Variants in NR3C1 observed in about 807,000 individuals in gnomAD.
NR3C1 encodes glucocorticoid receptor.
NR3C1 carries 14 observed loss-of-function variants against 74.0 expected under a neutral mutation model. The ratio of observed to expected loss-of-function variants is 0.19; its 90% CI spans 0.12 to 0.30. The LOEUF (loss-of-function observed/expected upper bound fraction) is 0.30, where lower values mean the gene tolerates loss of function less well. NR3C1 is among the 10% of genes least tolerant of loss of function. NR3C1 has a pLI of 1.00. For missense variants in NR3C1, 695 were observed against 909.8 expected (o/e 0.76, Z 3.04); for synonymous variants, 308 against 332.5 (o/e 0.93, Z 0.80).
chr5:143,416,988 T>C (rs569239835), intron 1 of NR3C1, among the ~76,000 whole-genome samples: 7 of 152,280 alleles, frequency 4.6e-5, no homozygotes, highest in African/African-American at 1.7e-4. Flanking sequence ...TATTTTAGGC[T>C]GTGTTTAAAA....
In NR3C1 at chr5:143,284,003, T is replaced by A. The variant is rs182520322; in HGVS notation, c.2024-1278A>T. ...AATGCATTATTTCCCAAACTGAAAC[T>A]TCACTGCTGCTGACATTTTTAGAAG... is the stretch of plus-strand genomic sequence containing the variant. On this transcript the variant is annotated intron_variant, in intron 7 of 8. Coordinates refer to ENST00000394464, the MANE Select transcript of NR3C1 (RefSeq NM_000176.3). Among the ~76,000 whole-genome samples the A allele has an allele frequency of 7.9e-5, 12 of 152,318 alleles. No individual in the cohort carries two copies. In the East Asian group the frequency reaches 2.3e-3, roughly 29 times the overall value.
chr5:143,404,657 C>G, upstream of NR3C1: 1 of 344,160 alleles, frequency 2.9e-6, no homozygotes, highest in Non-Finnish European at 4.1e-6. Flanking sequence ...AAACCTCCAG[C>G]GAGCTGGATT....
chr5:143,323,893 A>C (rs887363792), intron 2 of NR3C1, among the ~76,000 whole-genome samples: 3 of 152,192 alleles, frequency 2.0e-5, no homozygotes, highest in Non-Finnish European at 4.4e-5. Context: ...CCAGTGAGTT[A>C]GTCAAATTTT....
At chr5:143,328,477 C>T (rs924416945) in intron 2 of NR3C1, among the ~76,000 whole-genome samples, 1 of 152,198 alleles carries the variant, frequency 6.6e-6, no homozygotes, top group Non-Finnish European at 1.5e-5. Flanking sequence ...CTCCTTGTTA[C>T]TTATTCAGAT....
intron 2 of NR3C1, among the ~76,000 whole-genome samples, chr5:143,398,356 G>GTGATT (rs556234844): frequency 1.2e-5 from 1 of 85,342 alleles, no homozygotes; most frequent in Non-Finnish European, 2.8e-5. Flanking sequence ...AGGTTTTTTG[G>GTGATT]TTTTTTTTTT....
intron 6 of NR3C1, among the ~76,000 whole-genome samples, chr5:143,297,945 C>A (rs1817666219): frequency 6.6e-6 from 1 of 152,096 alleles, no homozygotes; most frequent in African/African-American, 2.4e-5. Flanking sequence ...TGGGAAGATA[C>A]TGAAGACAAT....
chr5:143,296,447 T>C (rs1040871938), intron 6 of NR3C1, among the ~76,000 whole-genome samples: 3 of 152,192 alleles, frequency 2.0e-5, no homozygotes, highest in African/African-American at 7.2e-5. Context: ...AATCTGCTCT[T>C]ACCGAAGAGG....
intron 4 of NR3C1, among the ~76,000 whole-genome samples, chr5:143,309,466 G>A (rs1189612882): frequency 6.6e-6 from 1 of 152,192 alleles, no homozygotes; most frequent in African/African-American, 2.4e-5. Flanking sequence ...TGGATATTTG[G>A]AGCGCTTTGA....
chr5:143,382,638 A>C (rs1276604758), intron 2 of NR3C1, among the ~76,000 whole-genome samples: 3 of 152,248 alleles, frequency 2.0e-5, no homozygotes, highest in African/African-American at 7.2e-5. Context: ...GTTGTTAGTC[A>C]GATTCATACC....
At chr5:143,321,444 A>G (rs1234309925) in intron 2 of NR3C1, among the ~76,000 whole-genome samples, 1 of 152,102 alleles carries the variant, frequency 6.6e-6, no homozygotes, top group Admixed American at 6.5e-5. Context: ...TGCCATTCTA[A>G]TGCATGCCTT....
chr5:143,336,378 A>G (rs2151724745), intron 2 of NR3C1, among the ~76,000 whole-genome samples: 1 of 152,328 alleles, frequency 6.6e-6, no homozygotes. Context: ...CTCTAAGAAT[A>G]AAGAGAAGAG....
At chr5:143,420,870 A>G (rs1291790866) in intron 1 of NR3C1, among the ~76,000 whole-genome samples, 2 of 152,156 alleles carry the variant, frequency 1.3e-5, no homozygotes, top group Non-Finnish European at 1.5e-5. Flanking sequence ...TATCCTTTGG[A>G]TATTTTACAC....
At position 143,424,294 on chromosome 5, in the gene NR3C1, G is replaced by C. The variant is rs184978306; in HGVS notation, c.-14+10238C>G. On this transcript the variant is annotated intron_variant, in intron 1 of 8. Transcript: ENST00000343796. ...AGTCAGATATGAGGAATAAGATCTA[G>C]TGTTCAGTAGACAACAGGGTGACTA... 8.3e-4 allele frequency among the ~76,000 whole-genome samples: 127 copies of C among 152,230 alleles called. 1 individual carries two copies. Among genetic ancestry groups the C allele is most frequent in the African/African-American group, 2.9e-3 (122 of 41,558 alleles).
intron 2 of NR3C1, among the ~76,000 whole-genome samples, chr5:143,366,420 G>C (rs1022148697): frequency 5.9e-5 from 9 of 151,482 alleles, no homozygotes; most frequent in African/African-American, 1.9e-4. Context: ...TGAGGCAGGA[G>C]AATCTCTTGA....
At chr5:143,306,247 G>A (rs1819566377) in intron 4 of NR3C1, among the ~76,000 whole-genome samples, 1 of 152,128 alleles carries the variant, frequency 6.6e-6, no homozygotes. Flanking sequence ...ACCACTTGGA[G>A]TCCTAAGTTA....
chr5:143,390,090 C>T (rs1392099097), intron 2 of NR3C1: 1 of 165,796 alleles, frequency 6.0e-6, no homozygotes, highest in Admixed American at 6.5e-5. Context: ...CTATTTTTGA[C>T]ACCACTACAC....
rs1822543870 is a variant in NR3C1 at position 143,318,081 on chromosome 5, T to A, written c.1185-3913A>T. ...AGGGGGTTTGTGTGGATTATATATA[T>A]TAGAGTTATATAAAGCATTGTTACA... On this transcript the variant is annotated intron_variant, in intron 2 of 8. Coordinates refer to ENST00000394464, the MANE Select transcript of NR3C1 (RefSeq NM_000176.3). Among the ~76,000 whole-genome samples, 3 of 152,198 alleles carry A rather than the reference T, an allele frequency of 2.0e-5. No individual in the cohort carries two copies. The South Asian group carries it at 6.2e-4, about 32-fold the overall frequency.
At position 143,374,813 on chromosome 5, in the gene NR3C1, T is replaced by G. The variant is rs368596548; in HGVS notation, c.1184+24843A>C. ...CCACAAAATCCTTCGGAGGTCCTCA[T>G]TCTTTAAATGCCCAGGATACGTTTT... On this transcript the variant is annotated intron_variant, in intron 2 of 8. Coordinates refer to ENST00000394464, the MANE Select transcript of NR3C1 (RefSeq NM_000176.3). Among the ~76,000 whole-genome samples the G allele has an allele frequency of 4.4e-4, 67 of 151,854 alleles. No individual in the cohort carries two copies. The Middle Eastern group carries it at 0.01, about 23-fold the overall frequency.
chr5:143,293,606 G>A (rs946586572), intron 7 of NR3C1, among the ~76,000 whole-genome samples: 1 of 152,180 alleles, frequency 6.6e-6, no homozygotes, highest in Non-Finnish European at 1.5e-5. Flanking sequence ...TGCCGTCAAA[G>A]AGCAAGTTGG....
Sources: gnomAD v4.1 joint callset for allele counts (sites outside exome capture counted in the v4.1 genomes callset) on GRCh38, gnomAD v4.1.1 for gene constraint, MANE v1.5 for transcripts, NCBI Gene and HGNC (gene_info 2026-07-23, HGNC 2026-07-21) for gene names.